FHIT: variants seen among roughly 807,000 people sequenced by gnomAD.
FHIT encodes bis(5'-adenosyl)-triphosphatase.
A neutral mutation model predicts 17.9 loss-of-function variants in FHIT; 19 were observed. That is an observed-to-expected ratio of 1.06 (90% CI 0.74 to 1.56). FHIT has a LOEUF of 1.56. FHIT is among the 40% of genes most tolerant of loss of function. The pLI, the probability that FHIT is intolerant of heterozygous loss-of-function variation, is 0.00. For synonymous variants in FHIT, 81 were observed against 69.7 expected (o/e 1.16, Z -0.81); for missense variants, 248 against 189.2 (o/e 1.31, Z -1.82).
intron 6 of FHIT, 72 bp downstream of exon 6, chr3:60,013,935 T>A (rs80338276): frequency 0.029 from 42,257 of 1,445,654 alleles, 711 homozygotes; most frequent in Non-Finnish European, 0.036. Flanking sequence ...TGGTAAGATA[T>A]CAGGAGGAGC....
intron 4 of FHIT, among the ~76,000 whole-genome samples, chr3:60,793,950 G>T (rs1181157661): frequency 1.3e-5 from 2 of 152,082 alleles, no homozygotes; most frequent in Admixed American, 6.6e-5. Context: ...TATGTTGAAA[G>T]GTACCAGGGC....
chr3:60,325,300 T>G (rs1350671321), intron 5 of FHIT, among the ~76,000 whole-genome samples: 3 of 152,188 alleles, frequency 2.0e-5, no homozygotes, highest in Non-Finnish European at 4.4e-5. Context: ...ATTAAGCCCC[T>G]TAAGCCTCAT....
At chr3:59,790,820 A>C (rs1415051707) in intron 8 of FHIT, among the ~76,000 whole-genome samples, 2 of 152,164 alleles carry the variant, frequency 1.3e-5, no homozygotes, top group Admixed American at 1.3e-4. Flanking sequence ...CAGCACTAAC[A>C]TAGTCCCTGC....
At chr3:60,100,006 C>T (rs769700355) in intron 5 of FHIT, among the ~76,000 whole-genome samples, 2 of 152,162 alleles carry the variant, frequency 1.3e-5, no homozygotes, top group African/African-American at 4.8e-5. Context: ...TCAGGAACAA[C>T]AGTCACAGTT....
chr3:60,345,910 T>C (rs10510841), intron 5 of FHIT, among the ~76,000 whole-genome samples: 17,171 of 152,274 alleles, frequency 0.11, 1,248 homozygotes, highest in Non-Finnish European at 0.16. Context: ...TAAGCTAACA[T>C]TTCTTACTTG....
At chr3:59,930,263 T>C (rs1705902488) in intron 7 of FHIT, among the ~76,000 whole-genome samples, 1 of 152,044 alleles carries the variant, frequency 6.6e-6, no homozygotes, top group African/African-American at 2.4e-5. Context: ...CAAGTCAGGC[T>C]AGGTAGGATG....
intron 5 of FHIT, among the ~76,000 whole-genome samples, chr3:60,015,591 C>G (rs1700313436): frequency 6.6e-6 from 1 of 152,190 alleles, no homozygotes; most frequent in East Asian, 1.9e-4. Flanking sequence ...AAAAGGGACC[C>G]TTCCCCATAT....
At chr3:60,352,109 C>T (rs897828765) in intron 5 of FHIT, among the ~76,000 whole-genome samples, 8 of 152,252 alleles carry the variant, frequency 5.3e-5, no homozygotes, top group Non-Finnish European at 7.4e-5. Context: ...CACTGAGGAG[C>T]ATGCCTTGCT....
At chr3:60,594,465 C>T (rs2038194056) in intron 4 of FHIT, among the ~76,000 whole-genome samples, 1 of 152,108 alleles carries the variant, frequency 6.6e-6, no homozygotes, top group East Asian at 1.9e-4. Context: ...CTGCCAACTT[C>T]CCCAAGTGTT....
At chr3:61,089,001 C>T (rs2035392895) in intron 2 of FHIT, among the ~76,000 whole-genome samples, 1 of 152,088 alleles carries the variant, frequency 6.6e-6, no homozygotes, top group African/African-American at 2.4e-5. Flanking sequence ...AGAAATGATT[C>T]CCATGGAATT....
At chr3:60,324,799 A>G (rs1261453477) in intron 5 of FHIT, among the ~76,000 whole-genome samples, 1 of 152,100 alleles carries the variant, frequency 6.6e-6, no homozygotes, top group East Asian at 1.9e-4. Context: ...CCCTCTTCTC[A>G]TATTACTTGG....
chr3:60,399,605 C>G (rs1257200358), intron 5 of FHIT, among the ~76,000 whole-genome samples: 1 of 152,096 alleles, frequency 6.6e-6, no homozygotes, highest in Non-Finnish European at 1.5e-5. Flanking sequence ...GAAAGGTGAG[C>G]AGGTGAATAT....
intron 4 of FHIT, among the ~76,000 whole-genome samples, chr3:60,633,218 G>A (rs1200448898): frequency 6.6e-6 from 1 of 152,186 alleles, no homozygotes; most frequent in Non-Finnish European, 1.5e-5. Flanking sequence ...TTAGGAATAT[G>A]AGACATGAGT....
intron 2 of FHIT, among the ~76,000 whole-genome samples, chr3:61,077,136 G>C (rs1054635150): frequency 3.1e-4 from 47 of 152,116 alleles, no homozygotes; most frequent in Non-Finnish European, 5.9e-4. Context: ...TTTGATGGAA[G>C]GATAAATGAA....
chr3:61,126,429 T>G (rs898510242), intron 2 of FHIT, among the ~76,000 whole-genome samples: 2 of 152,056 alleles, frequency 1.3e-5, no homozygotes, highest in Admixed American at 6.6e-5. Flanking sequence ...TCAGGAAAAT[T>G]ACAGTCATGG....
At position 59,747,324 on chromosome 3, in the gene FHIT, G is replaced by A. The variant is rs774274742; in HGVS notation, c.*2261C>T. 9.2e-5 allele frequency among the ~76,000 whole-genome samples: 14 copies of A among 152,122 alleles called. No individual in the cohort carries two copies. The highest frequency in any genetic ancestry group is 1.6e-4 in the Non-Finnish European group (11 of 68,026). ...TAATGGACTCGCAATCATGGAGGAAGGCAAAAGAGGAGCAAAGCCACATCT... is the reference window on the plus strand; with the variant it reads ...TAATGGACTCGCAATCATGGAGGAAAGCAAAAGAGGAGCAAAGCCACATCT... On this transcript the variant is annotated 3_prime_UTR_variant, in exon 10 of 10. Coordinates refer to ENST00000492590, the MANE Select transcript of FHIT (RefSeq NM_002012.4).
At chr3:60,316,788 G>T (rs891830922) in intron 5 of FHIT, among the ~76,000 whole-genome samples, 5 of 152,170 alleles carry the variant, frequency 3.3e-5, no homozygotes, top group African/African-American at 4.8e-5. Flanking sequence ...GACTTGAAAA[G>T]ACTTTAAGGA....
At chr3:59,895,709 G>T (rs148285530) in intron 8 of FHIT, among the ~76,000 whole-genome samples, 78 of 152,268 alleles carry the variant, frequency 5.1e-4, no homozygotes, top group Non-Finnish European at 9.4e-4. Flanking sequence ...GAGTCACTTT[G>T]CTTTTGCTCT....
intron 4 of FHIT, among the ~76,000 whole-genome samples, chr3:60,761,346 C>T (rs782255022): frequency 1.3e-5 from 2 of 152,186 alleles, no homozygotes; most frequent in Non-Finnish European, 2.9e-5. Flanking sequence ...ACATGCATGT[C>T]TCAGAGAGAG....
Sources: allele counts gnomAD v4.1 joint callset (sites outside exome capture counted in the v4.1 genomes callset), GRCh38; gene constraint gnomAD v4.1.1; transcripts MANE v1.5; gene names NCBI Gene and HGNC (gene_info 2026-07-23, HGNC 2026-07-21).